TPPP: variants seen among roughly 807,000 people sequenced by gnomAD.
TPPP encodes tubulin polymerization-promoting protein.
TPPP carries 6 observed loss-of-function variants against 15.5 expected under a neutral mutation model. The ratio of observed to expected loss-of-function variants is 0.39; its 90% confidence interval spans 0.21 to 0.77. TPPP has a LOEUF of 0.77. TPPP is among the 30% of genes least tolerant of loss of function. The pLI is 0.42. For missense variants in TPPP, 269 were observed against 307.2 expected (o/e 0.88, Z 0.93); for synonymous variants, 146 against 133.9 (o/e 1.09, Z -0.63).
intron 2 of TPPP, 149 bp downstream of exon 2, chr5:677,601 A>G (rs1740492177): frequency 5.9e-6 from 4 of 677,946 alleles, no homozygotes; most frequent in Non-Finnish European, 9.0e-6. Context: ...TCAGGCTCCC[A>G]TGTCAGGGCT....
intron 2 of TPPP, among the ~76,000 whole-genome samples, 173 bp from the exon 3 acceptor site, chr5:666,296 C>T (rs930011053): frequency 9.2e-5 from 14 of 152,176 alleles, no homozygotes; most frequent in African/African-American, 3.1e-4. Flanking sequence ...GAAAGCTTGG[C>T]GGAAGCAGGT....
rs1473908818 is a variant in TPPP at position 666,122 on chromosome 5, C to G, written c.313G>C (p.Gly105Arg). ...DVDIVFSKIKGKSCRTITFEQ... is the reference protein window; with the variant it reads ...DVDIVFSKIKRKSCRTITFEQ... ...AAGGTGATGGTCCGGCAAGACTTCCCTCTACAGGGGCACAGGCGACTTAGG... is the reference window on the plus strand; with the variant it reads ...AAGGTGATGGTCCGGCAAGACTTCCGTCTACAGGGGCACAGGCGACTTAGG... The change falls in exon 3 of 4, where the codon GGG becomes CGG. Residue 105 changes from glycine (G) to arginine (R), a missense_variant and splice_region_variant. Physicochemically the swap from Gly to Arg is moderately radical, Grantham distance 125. Transcript: ENST00000360578. 9 of 1,432,546 alleles carry G rather than the reference C, an allele frequency of 6.3e-6. No homozygotes were observed. The highest frequency in any genetic ancestry group is 8.4e-6 in the Non-Finnish European group (9 of 1,074,438). The allele number at this position is 1,432,546 out of a possible 1,614,324, so 88.7% of individuals were successfully genotyped here.
chr5:667,042 A>G (rs1739945254), intron 2 of TPPP: 1 of 151,570 alleles, frequency 6.6e-6, no homozygotes, highest in African/African-American at 2.5e-5. Context: ...CAGAATCCAC[A>G]GTGACCAAGA....
intron 2 of TPPP, among the ~76,000 whole-genome samples, chr5:669,369 G>A (rs1740104178): frequency 6.6e-6 from 1 of 152,172 alleles, no homozygotes; most frequent in Non-Finnish European, 1.5e-5. Flanking sequence ...CGCTCGGCGT[G>A]GACACCCGCA....
intron 1 of TPPP, among the ~76,000 whole-genome samples, chr5:691,927 A>G (rs1271746263): frequency 1.5e-5 from 1 of 67,866 alleles, no homozygotes; most frequent in South Asian, 5.9e-4. Context: ...AGCCCCCCCA[A>G]CCCGTATCAA....
upstream of TPPP, among the ~76,000 whole-genome samples, chr5:693,626 C>A (rs1316489012): frequency 1.3e-5 from 2 of 151,802 alleles, no homozygotes; most frequent in South Asian, 2.1e-4. Flanking sequence ...TCGTGGGAAC[C>A]GCTGGGCAGG....
chr5:695,607 C>T (rs1489177773), upstream of TPPP, among the ~76,000 whole-genome samples: 12 of 151,264 alleles, frequency 7.9e-5, no homozygotes, highest in Non-Finnish European at 1.3e-4. Context: ...CCACCTCTTC[C>T]AGCTTCTGTG....
intron 2 of TPPP, among the ~76,000 whole-genome samples, chr5:675,487 T>TGCAGTGTGGCCGGGGGG (rs59570974): frequency 1.1e-5 from 1 of 92,638 alleles, no homozygotes; most frequent in Non-Finnish European, 2.1e-5. Context: ...TGGCCAGGGG[T>TGCAGTGTGGCCGGGGGG]ACATTGTGGC....
chr5:669,419 A>G (rs1260159178), intron 2 of TPPP, among the ~76,000 whole-genome samples: 2 of 152,184 alleles, frequency 1.3e-5, no homozygotes, highest in African/African-American at 2.4e-5. Context: ...CACCCCAGGC[A>G]GCCCACAGTG....
At position 677,945 on chromosome 5, in the gene TPPP, C is replaced by G. The variant is rs61731452; in HGVS notation, c.116G>C (p.Gly39Ala). Reference sequence around the variant, plus strand: ...CTCAGGGGATGCGGCTGCCCCCTCACCAGCACCCTCCGATTCCAGCGACAG... The same window carrying G: ...CTCAGGGGATGCGGCTGCCCCCTCAGCAGCACCCTCCGATTCCAGCGACAG... The part of the protein sequence containing the change: ...KRLSLESEGA[G>A]EGAAASPELS... The change falls in exon 2 of 4, where the codon GGT (glycine) becomes GCT (alanine). Residue 39 changes from glycine (G) to alanine (A), a missense_variant. Physicochemically the swap from Gly to Ala is moderately conservative, Grantham distance 60. Coordinates refer to ENST00000360578, the MANE Select transcript of TPPP (RefSeq NM_007030.3). 3.8e-3 allele frequency: 6,119 copies of G among 1,611,816 alleles called. 192 individuals carry two copies. In the African/African-American group the frequency reaches 0.07, roughly 18 times the overall value.
chr5:688,484 G>A (rs1367124814), intron 1 of TPPP, among the ~76,000 whole-genome samples: 1 of 152,082 alleles, frequency 6.6e-6, no homozygotes, highest in African/African-American at 2.4e-5. Flanking sequence ...CCAAAGCACA[G>A]TGCTCAGGAA....
chr5:668,106 A>C, intron 2 of TPPP, among the ~76,000 whole-genome samples: 1 of 97,810 alleles, frequency 1.0e-5, no homozygotes, highest in East Asian at 3.1e-4. Context: ...CCATCAGGGA[A>C]GTACCGACAA....
At chr5:669,617 A>G (rs577850527) in intron 2 of TPPP, among the ~76,000 whole-genome samples, 2 of 151,558 alleles carry the variant, frequency 1.3e-5, no homozygotes, top group East Asian at 1.9e-4. Flanking sequence ...GCCCTTTCTG[A>G]CGGCCTCGGA....
Position 665,164 on chromosome 5 carries a change from C to G in TPPP, c.598G>C (p.Gly200Arg). 1 of 1,613,614 alleles carries G rather than the reference C, an allele frequency of 6.2e-7. No homozygotes were observed. Among genetic ancestry groups the G allele is most frequent in the Non-Finnish European group, 8.5e-7 (1 of 1,179,990 alleles). Residue 200 changes from glycine to arginine, a missense_variant, in exon 4 of 4, where the codon GGC becomes CGC. By Grantham distance (125) the Gly-to-Arg change is moderately radical. Transcript: ENST00000360578. ...GCGTGCTTGTAGCCGGACACATAGC[C>G]TGACTCGTCCACCAGATCCACGCGG... ...AGRVDLVDESGYVSGYKHAGT... is the reference protein window; with the variant it reads ...AGRVDLVDESRYVSGYKHAGT...
At chr5:698,731 C>A in the TPPP span, among the ~76,000 whole-genome samples, 2 of 151,928 alleles carry the variant, frequency 1.3e-5, 1 homozygote, top group South Asian at 4.2e-4. Flanking sequence ...ATGGGAGCTA[C>A]AATTCAAGAT....
At chr5:667,437 T>C (rs981304508) in intron 2 of TPPP, among the ~76,000 whole-genome samples, 3 of 152,124 alleles carry the variant, frequency 2.0e-5, no homozygotes, top group Admixed American at 2.0e-4. Flanking sequence ...TAGATGACGG[T>C]CCTAATTATG....
intron 1 of TPPP, among the ~76,000 whole-genome samples, chr5:681,059 TG>T (rs1740608462): frequency 6.6e-6 from 1 of 152,060 alleles, no homozygotes; most frequent in Non-Finnish European, 1.5e-5. Flanking sequence ...AACATGGAGG[TG>T]TCAGACGGAC....
At chr5:698,551 A>C in the TPPP span, among the ~76,000 whole-genome samples, 1 of 151,996 alleles carries the variant, frequency 6.6e-6, no homozygotes, top group Non-Finnish European at 1.5e-5. Flanking sequence ...AAGGCAGATC[A>C]TACACGGCAG....
chr5:664,991 G>A lies in TPPP; in HGVS notation c.*111C>T. ...GCCTGGCCGCCCCCCAGCCCCCTCT[G>A]GGGCACCCGTCTGAGTTCTGCCCCA... On this transcript the variant is annotated 3_prime_UTR_variant, in exon 4 of 4. Transcript: ENST00000360578. 1 of 1,350,700 alleles carries A rather than the reference G, an allele frequency of 7.4e-7. No individual in the cohort carries two copies. Among genetic ancestry groups the A allele is most frequent in the Non-Finnish European group, 1.0e-6 (1 of 992,264 alleles). 83.7% of individuals were successfully genotyped at this position (1,350,700 alleles called of 1,614,324 possible). A position where few individuals can be genotyped will look rare whatever the true frequency, so the allele number is the denominator to read the frequency against.
Sources: gnomAD v4.1 joint callset for allele counts (sites outside exome capture counted in the v4.1 genomes callset) on GRCh38, gnomAD v4.1.1 for gene constraint, MANE v1.5 for transcripts, NCBI Gene and HGNC (gene_info 2026-07-23, HGNC 2026-07-21) for gene names.